Variants in NUBPL observed in about 807,000 individuals in gnomAD.
The protein encoded by NUBPL is NUBP iron-sulfur cluster assembly factor, mitochondrial.
In NUBPL, 31 loss-of-function variants were observed where a neutral mutation model predicts 45.7. The ratio of observed to expected loss-of-function variants is 0.68; its 90% CI spans 0.51 to 0.92. The LOEUF (loss-of-function observed/expected upper bound fraction) is 0.92. NUBPL is among the 40% of genes least tolerant of loss of function. NUBPL has a pLI of 0.00. For missense variants in NUBPL, 401 were observed against 398.7 expected (o/e 1.01, Z -0.05); for synonymous variants, 144 against 140.9 (o/e 1.02, Z -0.15).
Position 31,631,817 on chromosome 14 carries a change from G to A in NUBPL, c.382+32438G>A, listed in dbSNP as rs533921908. The stretch of plus-strand genomic sequence containing the variant: ...TGGATTGGATGATGCCCACCCACAT[G>A]AAGGCGGGCAACCTGAATTACTTAG... On this transcript the variant is annotated intron_variant, in intron 4 of 10. Coordinates refer to ENST00000281081, the MANE Select transcript of NUBPL (RefSeq NM_025152.3). Among the ~76,000 whole-genome samples, 19 of 152,040 alleles carry A rather than the reference G, an allele frequency of 1.2e-4. No individual in the cohort carries two copies. The South Asian group carries it at 4.0e-3, about 32-fold the overall frequency.
At chr14:31,743,276 T>G (rs1201336215) in intron 6 of NUBPL, among the ~76,000 whole-genome samples, 1 of 152,228 alleles carries the variant, frequency 6.6e-6, no homozygotes, top group Non-Finnish European at 1.5e-5. Flanking sequence ...TCTCCATTTC[T>G]TTAGCTAGGT....
intron 7 of NUBPL, among the ~76,000 whole-genome samples, chr14:31,812,466 G>T (rs952841684): frequency 2.6e-5 from 4 of 152,360 alleles, no homozygotes; most frequent in Middle Eastern, 6.8e-3. Flanking sequence ...ATCTCCTGGT[G>T]TGTAGTTTGC....
At chr14:31,685,581 A>G (rs530751397) in intron 6 of NUBPL, among the ~76,000 whole-genome samples, 9 of 152,286 alleles carry the variant, frequency 5.9e-5, no homozygotes, top group Non-Finnish European at 1.0e-4. Flanking sequence ...AGTGAAAATT[A>G]TAGAAAATGA....
intron 4 of NUBPL, among the ~76,000 whole-genome samples, chr14:31,621,357 G>A (rs1297745807): frequency 2.6e-5 from 4 of 152,100 alleles, no homozygotes; most frequent in South Asian, 2.1e-4. Context: ...CAGGTAGCTC[G>A]GTGTCTGCCT....
chr14:31,851,174 C>T (rs1199595093), intron 10 of NUBPL, among the ~76,000 whole-genome samples: 1 of 151,616 alleles, frequency 6.6e-6, no homozygotes, highest in East Asian at 1.9e-4. Flanking sequence ...CATCATCTGG[C>T]ACATCAGTTC....
At chr14:31,570,359 A>G (rs958056508) in intron 3 of NUBPL, among the ~76,000 whole-genome samples, 1 of 152,184 alleles carries the variant, frequency 6.6e-6, no homozygotes, top group African/African-American at 2.4e-5. Flanking sequence ...GTGTACTCTT[A>G]AAGGTTTTAT....
chr14:31,621,838 A>G (rs2035071508), intron 4 of NUBPL, among the ~76,000 whole-genome samples: 2 of 152,216 alleles, frequency 1.3e-5, no homozygotes, highest in African/African-American at 4.8e-5. Flanking sequence ...GGAAATTGGT[A>G]CCGGTAGAGT....
intron 6 of NUBPL, among the ~76,000 whole-genome samples, chr14:31,679,504 T>C (rs1455111006): frequency 3.9e-5 from 6 of 152,196 alleles, no homozygotes; most frequent in Admixed American, 3.9e-4. Context: ...TATGTTAGCA[T>C]CATTTGTTTG....
chr14:31,818,190 C>T (rs754580057), intron 7 of NUBPL, among the ~76,000 whole-genome samples: 4 of 152,248 alleles, frequency 2.6e-5, no homozygotes, highest in African/African-American at 4.8e-5. Context: ...GAGACTTAGA[C>T]TCCCACACAA....
At chr14:31,739,390 T>C (rs1189890599) in intron 6 of NUBPL, among the ~76,000 whole-genome samples, 1 of 151,618 alleles carries the variant, frequency 6.6e-6, no homozygotes, top group East Asian at 1.9e-4. Context: ...TGGCCAAGTG[T>C]AGAGTTTTTG....
At chr14:31,696,942 A>G (rs1368043776) in intron 6 of NUBPL, among the ~76,000 whole-genome samples, 1 of 152,238 alleles carries the variant, frequency 6.6e-6, no homozygotes, top group Non-Finnish European at 1.5e-5. Flanking sequence ...TGAATCTGAA[A>G]AGAGAACAGG....
At chr14:31,769,745 A>G (rs2038975734) in intron 6 of NUBPL, among the ~76,000 whole-genome samples, 1 of 151,602 alleles carries the variant, frequency 6.6e-6, no homozygotes, top group South Asian at 2.1e-4. Flanking sequence ...CCTCACAAAT[A>G]TTTTTCAGTT....
chr14:31,642,291 T>C (rs903308245), intron 4 of NUBPL, among the ~76,000 whole-genome samples: 1 of 152,340 alleles, frequency 6.6e-6, no homozygotes, highest in East Asian at 1.9e-4. Flanking sequence ...CTTAATGTTT[T>C]CTTCTAGTAG....
intron 6 of NUBPL, among the ~76,000 whole-genome samples, chr14:31,759,315 T>TG (rs1273453915): frequency 3.9e-5 from 6 of 152,144 alleles, no homozygotes; most frequent in Non-Finnish European, 1.5e-5. Context: ...ATTTTATTTT[T>TG]GGAACTTCTC....
At chr14:31,733,665 T>C (rs1304460368) in intron 6 of NUBPL, among the ~76,000 whole-genome samples, 1 of 152,232 alleles carries the variant, frequency 6.6e-6, no homozygotes. Flanking sequence ...AAATCACTTA[T>C]TCTAGTAATT....
intron 4 of NUBPL, among the ~76,000 whole-genome samples, chr14:31,629,547 A>G (rs944990358): frequency 1.3e-5 from 2 of 152,198 alleles, no homozygotes; most frequent in Non-Finnish European, 2.9e-5. Flanking sequence ...TCTATAAGAT[A>G]CAAAAGTTGT....
chr14:31,718,027 C>A (rs1179569093), intron 6 of NUBPL, among the ~76,000 whole-genome samples: 1 of 152,174 alleles, frequency 6.6e-6, no homozygotes, highest in Admixed American at 6.5e-5. Context: ...GCCAAAACAT[C>A]TAAGGCAATT....
chr14:31,665,839 C>T (rs1394309158), intron 4 of NUBPL, among the ~76,000 whole-genome samples: 5 of 152,098 alleles, frequency 3.3e-5, no homozygotes, highest in Non-Finnish European at 7.4e-5. Context: ...GTGTTAAAGT[C>T]TCCCACTATT....
intron 6 of NUBPL, among the ~76,000 whole-genome samples, chr14:31,778,830 TGTG>T (rs1359850135): frequency 6.6e-6 from 1 of 152,198 alleles, no homozygotes; most frequent in Non-Finnish European, 1.5e-5. Flanking sequence ...AGTAGTGTAT[TGTG>T]GACAAATTTT....
Sources: allele counts gnomAD v4.1 joint callset (sites outside exome capture counted in the v4.1 genomes callset), GRCh38; gene constraint gnomAD v4.1.1; transcripts MANE v1.5; gene names NCBI Gene and HGNC (gene_info 2026-07-23, HGNC 2026-07-21).